FAM184A: variants seen among roughly 807,000 people sequenced by gnomAD.
FAM184A encodes the protein protein FAM184A.
A neutral mutation model predicts 143.8 loss-of-function variants in FAM184A; 99 were observed. The ratio of observed to expected loss-of-function variants is 0.69; its 90% CI spans 0.58 to 0.81. The LOEUF (loss-of-function observed/expected upper bound fraction) is 0.81. FAM184A is among the 40% of genes least tolerant of loss of function. The pLI is 0.00. For synonymous variants in FAM184A, 427 were observed against 446.4 expected, an observed-to-expected ratio of 0.96 and a Z score of 0.55; for missense variants, 1,217 against 1,310.5, an observed-to-expected ratio of 0.93 and a Z score of 1.10.
intron 1 of FAM184A, among the ~76,000 whole-genome samples, chr6:119,053,400 C>G (rs892902567): frequency 3.9e-5 from 6 of 152,180 alleles, no homozygotes; most frequent in African/African-American, 1.4e-4. Context: ...ATAACTCAGG[C>G]ACCTCTGACT....
intron 9 of FAM184A, among the ~76,000 whole-genome samples, chr6:118,983,770 A>C (rs1018793100): frequency 2.6e-5 from 4 of 152,220 alleles, no homozygotes; most frequent in Admixed American, 2.0e-4. Flanking sequence ...CATTTAAAAA[A>C]TGATTGTCTT....
intron 1 of FAM184A, among the ~76,000 whole-genome samples, chr6:119,100,267 T>C (rs1788605725): frequency 6.6e-6 from 1 of 152,118 alleles, no homozygotes; most frequent in South Asian, 2.1e-4. Context: ...AAAAGATCAA[T>C]GCATTATCTT....
chr6:119,114,237 A>T (rs1582628327), intron 1 of FAM184A, among the ~76,000 whole-genome samples: 2 of 152,164 alleles, frequency 1.3e-5, no homozygotes, highest in East Asian at 3.9e-4. Flanking sequence ...CTCCACCTAA[A>T]GTTGTCAGAT....
At chr6:119,093,572 C>T (rs764726440) in intron 1 of FAM184A, among the ~76,000 whole-genome samples, 23 of 152,172 alleles carry the variant, frequency 1.5e-4, no homozygotes, top group African/African-American at 4.8e-4. Context: ...TTCCCTCTTA[C>T]GGTATGCTAG....
At chr6:118,966,048 T>C (rs1783492855) in intron 15 of FAM184A, among the ~76,000 whole-genome samples, 1 of 152,148 alleles carries the variant, frequency 6.6e-6, no homozygotes. Context: ...TGATCCCCAA[T>C]CTGCTACCTG....
intron 1 of FAM184A, chr6:119,031,411 G>C (rs998801699): frequency 6.6e-6 from 1 of 152,152 alleles, no homozygotes; most frequent in Non-Finnish European, 1.5e-5. Context: ...GTAGTGTGAC[G>C]ACACATCAAG....
chr6:119,043,509 T>C (rs1786419142), intron 1 of FAM184A, among the ~76,000 whole-genome samples: 1 of 152,092 alleles, frequency 6.6e-6, no homozygotes, highest in Non-Finnish European at 1.5e-5. Context: ...AAAGCTTTGC[T>C]CAGAGAAACA....
At chr6:119,127,732 A>G (rs1789410451) in intron 1 of FAM184A, among the ~76,000 whole-genome samples, 1 of 152,188 alleles carries the variant, frequency 6.6e-6, no homozygotes, top group Non-Finnish European at 1.5e-5. Flanking sequence ...TTCCTTCCCA[A>G]GATGTCATAA....
chr6:119,121,374 C>G (rs1211640238), intron 1 of FAM184A, among the ~76,000 whole-genome samples: 1 of 152,148 alleles, frequency 6.6e-6, no homozygotes, highest in Non-Finnish European at 1.5e-5. Flanking sequence ...TGAGCTCAAG[C>G]AGTCAGCCCA....
chr6:119,011,101 C>G (rs1479496327), intron 6 of FAM184A: 2 of 453,480 alleles, frequency 4.4e-6, no homozygotes, highest in Non-Finnish European at 7.7e-6. Flanking sequence ...CACAACAGCA[C>G]CTTAGTTTAA....
intron 9 of FAM184A, among the ~76,000 whole-genome samples, chr6:118,985,282 G>A (rs1202840046): frequency 6.6e-6 from 1 of 152,234 alleles, no homozygotes; most frequent in African/African-American, 2.4e-5. Context: ...ACCTGGGGCA[G>A]CTGATGGGGA....
intron 9 of FAM184A, among the ~76,000 whole-genome samples, chr6:118,988,513 T>C (rs1784260866): frequency 6.6e-6 from 1 of 152,196 alleles, no homozygotes; most frequent in Non-Finnish European, 1.5e-5. Context: ...TTGCTGTAGG[T>C]TCACGGAGAA....
chr6:119,125,940 A>T (rs571951391), intron 1 of FAM184A, among the ~76,000 whole-genome samples: 2 of 152,214 alleles, frequency 1.3e-5, no homozygotes, highest in Non-Finnish European at 2.9e-5. Context: ...CTGCATAACT[A>T]ATTACCATAA....
chr6:118,965,094 G>A (rs1783457939), intron 15 of FAM184A, among the ~76,000 whole-genome samples: 1 of 152,050 alleles, frequency 6.6e-6, no homozygotes, highest in Non-Finnish European at 1.5e-5. Context: ...ATGGGGCTCT[G>A]GGCATGACTG....
Position 119,061,989 on chromosome 6 carries a change from G to C in FAM184A, c.159+16152C>G, listed in dbSNP as rs144922762. 7.4e-3 allele frequency among the ~76,000 whole-genome samples: 1,131 copies of C among 151,918 alleles called. 8 individuals are homozygous for C. The highest frequency in any genetic ancestry group is 0.026 in the African/African-American group (1,072 of 41,420). On this transcript the variant is annotated intron_variant, in intron 1 of 17. Transcript: ENST00000338891. ...CTTTGGGAGCCTGCATTTGGACCTG[G>C]GATCCAGGCAGACAGAGGTATGAGG...
chr6:119,014,802 T>C (rs1008895672), intron 5 of FAM184A, among the ~76,000 whole-genome samples: 10 of 152,192 alleles, frequency 6.6e-5, no homozygotes, highest in South Asian at 2.1e-4. Flanking sequence ...CTCACACCTA[T>C]AATTCCAGCA....
upstream of FAM184A, among the ~76,000 whole-genome samples, chr6:119,081,874 G>A (rs1031487651): frequency 2.6e-5 from 4 of 152,136 alleles, no homozygotes; most frequent in Admixed American, 2.6e-4. Flanking sequence ...GCTCCTCTTG[G>A]CATCCAGCCA....
chr6:119,001,786 C>A (rs1382301700), intron 9 of FAM184A, among the ~76,000 whole-genome samples: 1 of 152,132 alleles, frequency 6.6e-6, no homozygotes, highest in Non-Finnish European at 1.5e-5. Context: ...TTTCTACGGG[C>A]AGAATCTTAC....
intron 9 of FAM184A, among the ~76,000 whole-genome samples, chr6:118,997,396 A>G (rs1784604589): frequency 6.6e-6 from 1 of 152,028 alleles, no homozygotes; most frequent in African/African-American, 2.4e-5. Context: ...CAAAGCTAAG[A>G]AAAAGAATAG....
Sources: gnomAD v4.1 joint callset for allele counts (sites outside exome capture counted in the v4.1 genomes callset) on GRCh38, gnomAD v4.1.1 for gene constraint, MANE v1.5 for transcripts, NCBI Gene and HGNC (gene_info 2026-07-23, HGNC 2026-07-21) for gene names.